The following MYO3A variants were observed in gnomAD, a reference collection of about 807,000 sequenced individuals.
MYO3A encodes myosin-IIIa.
Under a neutral mutation model 192.7 loss-of-function variants are expected in MYO3A, and 180 were observed. The observed-to-expected ratio is 0.93, with a 90% confidence interval of 0.83 to 1.06. The LOEUF is 1.06. MYO3A is among the 50% of genes least tolerant of loss of function. The pLI, the probability that MYO3A is intolerant of heterozygous loss-of-function variation, is 0.00. For synonymous variants in MYO3A, 628 were observed against 645.3 expected, an observed-to-expected ratio of 0.97 and a Z score of 0.41; for missense variants, 1,896 against 1,905.0, an observed-to-expected ratio of 1.00 and a Z score of 0.09.
intron 6 of MYO3A, among the ~76,000 whole-genome samples, chr10:26,007,897 G>A (rs552845365): frequency 6.6e-6 from 1 of 152,178 alleles, no homozygotes; most frequent in African/African-American, 2.4e-5. Flanking sequence ...CAGTTCATAT[G>A]GCACCAAAAA....
chr10:26,010,791 A>G (rs538756932), intron 6 of MYO3A, among the ~76,000 whole-genome samples: 1 of 152,320 alleles, frequency 6.6e-6, no homozygotes, highest in African/African-American at 2.4e-5. Flanking sequence ...TTAATCCAAA[A>G]GTAATAAAGA....
chr10:26,152,343 T>C lies in MYO3A; in HGVS notation c.2636-1507T>C, dbSNP rs1021809904. 3.9e-5 allele frequency among the ~76,000 whole-genome samples: 6 copies of C among 152,388 alleles called. No homozygotes were observed. The South Asian group carries it at 1.2e-3, about 32-fold the overall frequency. On this transcript the variant is annotated intron_variant, in intron 23 of 34. Transcript: ENST00000642920. ...TAATAACAACACAATAAGGAGGCAC[T>C]ACTTTTTTACAAATAAGACATTAAG...
chr10:25,994,565 G>A (rs1194859575), intron 4 of MYO3A, among the ~76,000 whole-genome samples: 1 of 152,150 alleles, frequency 6.6e-6, no homozygotes, highest in Admixed American at 6.5e-5. Flanking sequence ...GATGTTAGCT[G>A]GTTGTTTGCT....
At position 26,070,326 on chromosome 10, in the gene MYO3A, T is replaced by A. The variant is rs1308762741; in HGVS notation, c.1284T>A (p.Val428=). The A allele has an allele frequency of 2.5e-6, 4 of 1,613,264 alleles. No individual in the cohort carries two copies. Among genetic ancestry groups the A allele is most frequent in the Non-Finnish European group, 3.4e-6 (4 of 1,179,418 alleles). Residue 428 remains valine, a synonymous_variant, in exon 14 of 35, where the codon GTT becomes GTA. Coordinates refer to ENST00000642920, the MANE Select transcript of MYO3A (RefSeq NM_017433.5). ...TTCTTTTCTATGTATAGTGCATTGT[T>A]ATTTCTGGAGAAAGTGGTGCTGGAA... is the stretch of plus-strand genomic sequence containing the variant. The part of the protein sequence containing the change: ...MITYNSDQCI[V]ISGESGAGKT...
Position 25,934,841 on chromosome 10 carries a change from A to G in MYO3A, c.-105+513A>G, listed in dbSNP as rs368573854. The stretch of plus-strand genomic sequence containing the variant: ...GGAGGGGTGAACGTGAAGTGGAAAC[A>G]GGAGGAGGGAACGGGAAGGGTGGCG... On this transcript the variant is annotated intron_variant, in intron 1 of 34. Transcript: ENST00000642920. Among the ~76,000 whole-genome samples the G allele has an allele frequency of 1.7e-3, 255 of 151,994 alleles. 1 individual carries two copies. The highest frequency in any genetic ancestry group is 6.0e-3 in the African/African-American group (247 of 41,428).
intron 15 of MYO3A, among the ~76,000 whole-genome samples, chr10:26,092,108 G>A (rs1428541547): frequency 1.3e-5 from 2 of 152,208 alleles, no homozygotes; most frequent in African/African-American, 4.8e-5. Context: ...TTTACAAGGA[G>A]GGAGCTGTGA....
chr10:26,130,747 T>C (rs1458957281), intron 20 of MYO3A, among the ~76,000 whole-genome samples: 5 of 152,216 alleles, frequency 3.3e-5, no homozygotes, highest in Non-Finnish European at 5.9e-5. Flanking sequence ...ATCCAGAAGA[T>C]ACAGAATTAG....
intron 17 of MYO3A, among the ~76,000 whole-genome samples, chr10:26,105,055 T>G (rs1837714726): frequency 6.6e-6 from 1 of 152,124 alleles, no homozygotes; most frequent in African/African-American, 2.4e-5. Flanking sequence ...AATCACCCCT[T>G]TTAAAGGTAG....
chr10:25,967,218 A>T (rs1319155411), intron 4 of MYO3A, among the ~76,000 whole-genome samples: 2 of 152,254 alleles, frequency 1.3e-5, no homozygotes, highest in Middle Eastern at 3.2e-3. Context: ...GTAGAGTGTG[A>T]CTTCAGGCAG....
At chr10:25,936,019 T>C (rs1836040809) in intron 2 of MYO3A, among the ~76,000 whole-genome samples, 189 bp downstream of exon 2, 1 of 152,214 alleles carries the variant, frequency 6.6e-6, no homozygotes, top group African/African-American at 2.4e-5. Flanking sequence ...ATGAATATAT[T>C]GATGAGATGT....
At chr10:26,094,581 C>A (rs866050655) in intron 15 of MYO3A, among the ~76,000 whole-genome samples, 1 of 152,010 alleles carries the variant, frequency 6.6e-6, no homozygotes, top group South Asian at 2.1e-4. Context: ...CCTGCCACCA[C>A]GCCTGGCTAA....
chr10:25,972,291 AGT>A (rs1404349796), intron 4 of MYO3A, among the ~76,000 whole-genome samples: 1 of 151,870 alleles, frequency 6.6e-6, no homozygotes, highest in Non-Finnish European at 1.5e-5. Context: ...ATGAATGATG[AGT>A]GTTCTCTTTA....
intron 6 of MYO3A, among the ~76,000 whole-genome samples, chr10:25,998,565 C>T (rs116685760): frequency 0.011 from 1,638 of 152,106 alleles, 25 homozygotes; most frequent in African/African-American, 0.036. Flanking sequence ...CTTGAAATTA[C>T]AACAAATCAT....
chr10:25,995,656 G>C (rs1022421520), intron 4 of MYO3A, among the ~76,000 whole-genome samples: 2 of 152,208 alleles, frequency 1.3e-5, no homozygotes, highest in African/African-American at 2.4e-5. Context: ...GGTCTTTAAT[G>C]ATGGTGACAT....
chr10:26,157,320 T>A lies in MYO3A; in HGVS notation c.2804T>A (p.Met935Lys), dbSNP rs1018338475. 10 of 1,613,982 alleles carry A rather than the reference T, an allele frequency of 6.2e-6. No homozygotes were observed. The highest frequency in any genetic ancestry group is 7.6e-6 in the Non-Finnish European group (9 of 1,179,946). Reference sequence around the variant, plus strand: ...TGTTGTGTATTATAGTATTCCCTGATGGATTTGTTGTCTAAAATGGTGGTG... The same window carrying A: ...TGTTGTGTATTATAGTATTCCCTGAAGGATTTGTTGTCTAAAATGGTGGTG... The part of the protein sequence containing the change: ...TVASYFRYSL[M>K]DLLSKMVVGQ... The change falls in exon 26 of 35, where the codon ATG (methionine) becomes AAG (lysine). Residue 935 changes from methionine to lysine, a missense_variant. Coordinates refer to ENST00000642920, the MANE Select transcript of MYO3A (RefSeq NM_017433.5).
chr10:26,106,655 T>C (rs146405202), intron 17 of MYO3A, among the ~76,000 whole-genome samples: 3 of 152,290 alleles, frequency 2.0e-5, no homozygotes, highest in African/African-American at 7.2e-5. Context: ...TTTCCTTTTA[T>C]TGCTGTTTTA....
rs550378572 is a variant in MYO3A, at chr10:25,951,366, A to G, written c.-17-728A>G. Among the ~76,000 whole-genome samples the G allele has an allele frequency of 6.3e-4, 96 of 152,284 alleles. 1 individual carries two copies. The highest frequency in any genetic ancestry group is 2.1e-3 in the African/African-American group (86 of 41,570). ...TGCTGCTGGAGTACCGAGGTGGTGCATGCAACCCAGATGGGGTGGAGAGTA... is the reference window on the plus strand; with the variant it reads ...TGCTGCTGGAGTACCGAGGTGGTGCGTGCAACCCAGATGGGGTGGAGAGTA... On this transcript the variant is annotated intron_variant, in intron 2 of 34. Transcript: ENST00000642920.
chr10:26,001,648 GCCCAAGGA>G (rs1840826913), intron 6 of MYO3A, among the ~76,000 whole-genome samples: 1 of 150,972 alleles, frequency 6.6e-6, no homozygotes. Context: ...AAGCCACCAT[GCCCAAGGA>G]CCCTCTCTTT....
intron 31 of MYO3A, 144 bp from the exon 32 acceptor site, chr10:26,193,061 T>C (rs1013547268): frequency 2.9e-6 from 2 of 700,586 alleles, no homozygotes; most frequent in Non-Finnish European, 2.5e-6. Context: ...GGATAAGGGT[T>C]GGTTATGCAG....
Sources: allele counts gnomAD v4.1 joint callset (sites outside exome capture counted in the v4.1 genomes callset), GRCh38; gene constraint gnomAD v4.1.1; transcripts MANE v1.5; gene names NCBI Gene and HGNC (gene_info 2026-07-23, HGNC 2026-07-21).